FBN2: variants seen among roughly 807,000 people sequenced by gnomAD.
The protein encoded by FBN2 is fibrillin-2.
Under a neutral mutation model 355.6 loss-of-function variants are expected in FBN2, and 105 were observed. The observed-to-expected ratio is 0.30, with a 90% CI of 0.25 to 0.35. The LOEUF is 0.35. Among genes scored for constraint, FBN2 ranks in the 10% least tolerant of loss-of-function variants. The pLI is 1.00. For missense variants in FBN2, 3,280 were observed against 3,758.7 expected (o/e 0.87, Z 3.33); for synonymous variants, 1,350 against 1,301.2 (o/e 1.04, Z -0.81).
chr5:128,333,839 T>TCTCACACA (rs1750759040), intron 31 of FBN2, among the ~76,000 whole-genome samples: 1 of 122,852 alleles, frequency 8.1e-6, no homozygotes, highest in Non-Finnish European at 1.7e-5. Context: ...GATGCTGAAA[T>TCTCACACA]CACACACACA....
In FBN2 at chr5:128,424,737, G is replaced by T. The variant is rs149051299; in HGVS notation, c.953-15938C>A. 3.7e-4 allele frequency among the ~76,000 whole-genome samples: 56 copies of T among 152,204 alleles called. No individual in the cohort carries two copies. The East Asian group carries it at 0.01, about 27-fold the overall frequency. ...TACTACTGCAGCAAAGTAATGAAAG[G>T]TTCCCTTTTGGCCTGAAATCAATAC... On this transcript the variant is annotated intron_variant, in intron 7 of 64. Coordinates refer to ENST00000262464, the MANE Select transcript of FBN2 (RefSeq NM_001999.4).
At chr5:128,308,440 A>C (rs961288416) in intron 41 of FBN2, among the ~76,000 whole-genome samples, 7 of 152,158 alleles carry the variant, frequency 4.6e-5, no homozygotes, top group Non-Finnish European at 7.4e-5. Context: ...TCTCTCCTTA[A>C]TTTCATCAAT....
intron 7 of FBN2, among the ~76,000 whole-genome samples, chr5:128,444,054 CTTTTTTTTTTTTTTTTTT>C (rs35768962): frequency 1.7e-3 from 109 of 65,614 alleles, no homozygotes; most frequent in Non-Finnish European, 2.6e-3. Context: ...ATCACTTGTT[CTTTTTTTTTTTTTTTTTT>C]TTTTTTTTTT....
chr5:128,528,838 T>G (rs1756635770), intron 3 of FBN2, among the ~76,000 whole-genome samples: 1 of 152,220 alleles, frequency 6.6e-6, no homozygotes, highest in Non-Finnish European at 1.5e-5. Context: ...AGAACGGATT[T>G]GAAGAGGGCG....
intron 2 of FBN2, among the ~76,000 whole-genome samples, chr5:128,534,536 T>C (rs1322400275): frequency 6.6e-6 from 1 of 152,204 alleles, no homozygotes; most frequent in African/African-American, 2.4e-5. Context: ...TTGACACAAG[T>C]GTTATAAATG....
intron 48 of FBN2, among the ~76,000 whole-genome samples, chr5:128,299,371 C>T (rs1404564919): frequency 1.3e-5 from 2 of 150,022 alleles, no homozygotes; most frequent in African/African-American, 5.0e-5. Context: ...ACAGTTCGAG[C>T]TTCCGGGCTG....
At chr5:128,423,052 C>T (rs1395107298) in intron 7 of FBN2, among the ~76,000 whole-genome samples, 1 of 152,090 alleles carries the variant, frequency 6.6e-6, no homozygotes. Flanking sequence ...GAGATTATAC[C>T]TGATGACAAT....
intron 8 of FBN2, among the ~76,000 whole-genome samples, chr5:128,396,161 T>C (rs1752644252): frequency 6.6e-6 from 1 of 152,094 alleles, no homozygotes; most frequent in South Asian, 2.1e-4. Context: ...GTGTGGGGTA[T>C]GGAAGAAAGA....
chr5:128,535,940 T>A (rs574935794), intron 2 of FBN2, among the ~76,000 whole-genome samples: 2 of 152,284 alleles, frequency 1.3e-5, no homozygotes, highest in East Asian at 1.9e-4. Context: ...GTTGTTGATA[T>A]AAAACCAGAA....
intron 1 of FBN2, 90 bp downstream of exon 1, chr5:128,537,260 T>C (rs73348283): frequency 6.4e-7 from 1 of 1,569,448 alleles, no homozygotes; most frequent in African/African-American, 1.3e-5. Flanking sequence ...CTAAAGGGTC[T>C]GGGACGGAGT....
Position 128,446,610 on chromosome 5 carries a change from CAAG to C in FBN2, c.827-7_827-5del. 1 of 1,613,204 alleles carries C rather than the reference CAAG, an allele frequency of 6.2e-7. No homozygotes were observed. Among genetic ancestry groups the C allele is most frequent in the East Asian group, 2.2e-5 (1 of 44,806 alleles). On this transcript the variant is annotated splice_region_variant and splice_polypyrimidine_tract_variant and intron_variant, in intron 6 of 64. Transcript: ENST00000262464. ...ATAGCCTGGCATTCATCAACATCTG[CAAG>C]AAGAAAACATTTTGAACACAGATGA...
chr5:128,266,550 A>G (rs1191939612), intron 62 of FBN2, among the ~76,000 whole-genome samples: 1 of 152,202 alleles, frequency 6.6e-6, no homozygotes, highest in Non-Finnish European at 1.5e-5. Flanking sequence ...ACTATTTTAG[A>G]TAGAGCTTCC....
At chr5:128,388,688 T>C (rs138771651) in intron 11 of FBN2, among the ~76,000 whole-genome samples, 114 of 152,346 alleles carry the variant, frequency 7.5e-4, no homozygotes, top group Middle Eastern at 6.8e-3. Flanking sequence ...CTTGTAGGGT[T>C]CCTGCTGAAA....
At chr5:128,305,730 T>C (rs531767674) in intron 43 of FBN2, 93 bp downstream of exon 43, 10 of 1,600,268 alleles carry the variant, frequency 6.2e-6, no homozygotes, top group South Asian at 4.4e-5. Context: ...TCTTGAAAAA[T>C]TGTAGAAGAA....
chr5:128,279,968 A>C (rs1172791864), intron 56 of FBN2, among the ~76,000 whole-genome samples: 2 of 152,212 alleles, frequency 1.3e-5, no homozygotes, highest in Non-Finnish European at 2.9e-5. Context: ...TTTTGGAAAG[A>C]CTATTTAAGA....
Position 128,408,784 on chromosome 5 carries a change from C to T in FBN2, c.968G>A (p.Ser323Asn), listed in dbSNP as rs747748647. The T allele has an allele frequency of 2.0e-5, 32 of 1,613,734 alleles. No homozygotes were observed. In the Admixed American group the frequency reaches 3.0e-4, roughly 15 times the overall value. ...TQKCEDIDEC[S>N]IIPGICETGE... ...AGTTTCACATATCCCAGGAATGATG[C>T]TGCACTCATCAATGTCTAATCAAGG... Residue 323 changes from serine (S) to asparagine (N), a missense_variant, in exon 8 of 65, where the codon AGC (serine) becomes AAC (asparagine). Transcript: ENST00000262464.
intron 34 of FBN2, among the ~76,000 whole-genome samples, chr5:128,327,319 T>C (rs185633503): frequency 1.3e-5 from 2 of 152,224 alleles, no homozygotes; most frequent in Non-Finnish European, 2.9e-5. Context: ...GAGAATTTCA[T>C]GAACTTTTGG....
chr5:128,528,360 T>C (rs73346331), intron 3 of FBN2, among the ~76,000 whole-genome samples: 26,193 of 152,066 alleles, frequency 0.17, 4,225 homozygotes, highest in African/African-American at 0.43. Context: ...TGAATTCCGA[T>C]GGGGAGCTAC....
intron 36 of FBN2, 135 bp from the exon 37 acceptor site, chr5:128,312,930 C>G (rs757403173): frequency 1.0e-5 from 10 of 957,512 alleles, no homozygotes; most frequent in Non-Finnish European, 1.5e-5. Context: ...CCTTAAGTAC[C>G]AAGCAATCTC....
Sources: gnomAD v4.1 joint callset for allele counts (sites outside exome capture counted in the v4.1 genomes callset) on GRCh38, gnomAD v4.1.1 for gene constraint, MANE v1.5 for transcripts, NCBI Gene and HGNC (gene_info 2026-07-23, HGNC 2026-07-21) for gene names.